SLC25A12: variants seen among roughly 807,000 people sequenced by gnomAD.
SLC25A12 encodes the protein solute carrier family 25 member 12.
A neutral mutation model predicts 83.3 loss-of-function variants in SLC25A12; 32 were observed. The ratio of observed to expected loss-of-function variants is 0.38; its 90% CI spans 0.29 to 0.52. The LOEUF (loss-of-function observed/expected upper bound fraction) is 0.52, where lower values mean the gene tolerates loss of function less well. Ranked by LOEUF, SLC25A12 falls within the 20% of genes least tolerant of loss-of-function variation. The probability of loss-of-function intolerance (pLI) is 0.84; values close to 1 mark genes in which losing one functional copy is unlikely to be tolerated. For synonymous variants in SLC25A12, 267 were observed against 291.1 expected (o/e 0.92, Z 0.84); for missense variants, 611 against 835.6 (o/e 0.73, Z 3.31).
chr2:171,831,761 T>C (rs1050368198), intron 8 of SLC25A12, among the ~76,000 whole-genome samples: 11 of 151,994 alleles, frequency 7.2e-5, no homozygotes, highest in African/African-American at 2.7e-4. Flanking sequence ...TAGGCAGGCA[T>C]AGTGGTACGC....
At chr2:171,832,092 A>G (rs1216617493) in intron 8 of SLC25A12, among the ~76,000 whole-genome samples, 2 of 152,184 alleles carry the variant, frequency 1.3e-5, no homozygotes, top group Non-Finnish European at 2.9e-5. Flanking sequence ...GTAAACCTGT[A>G]TGGTTTCAAG....
At chr2:171,875,111 G>A (rs575508720) in intron 2 of SLC25A12, among the ~76,000 whole-genome samples, 8 of 152,136 alleles carry the variant, frequency 5.3e-5, no homozygotes, top group South Asian at 4.1e-4. Context: ...GTACGGGAGT[G>A]TGACCTTTAT....
At position 171,809,650 on chromosome 2, in the gene SLC25A12, C is replaced by G; in HGVS notation, c.1261G>C (p.Asp421His). ...TCTGCTGGAAGTGGAACAGAGCCAT[C>G]TCTTCTGGTAAATTTGTCCCGAACA... ...DFVRDKFTRR[D>H]GSVPLPAEVL... The change falls in exon 13 of 18, where the codon GAT becomes CAT. Residue 421 changes from aspartate (D) to histidine (H), a missense_variant. Around this residue, in one of 3 missense-constraint regions of SLC25A12, gnomAD observed 540 missense variants for 777.5 expected, o/e 0.69. Transcript: ENST00000422440. 6.2e-7 allele frequency: 1 copy of G among 1,614,096 alleles called. No individual in the cohort carries two copies. The highest frequency in any genetic ancestry group is 8.5e-7 in the Non-Finnish European group (1 of 1,179,968).
intron 13 of SLC25A12, among the ~76,000 whole-genome samples, chr2:171,795,154 A>G (rs1403904019): frequency 6.6e-6 from 1 of 152,152 alleles, no homozygotes; most frequent in Non-Finnish European, 1.5e-5. Flanking sequence ...TGGATTCCCC[A>G]GGGCCTTAAT....
At chr2:171,892,895 C>T (rs535592097) in intron 2 of SLC25A12, among the ~76,000 whole-genome samples, 5 of 152,068 alleles carry the variant, frequency 3.3e-5, no homozygotes, top group African/African-American at 9.6e-5. Flanking sequence ...ATTAACTATA[C>T]AAGAATGCCA....
chr2:171,789,475 G>A (rs563961368), intron 15 of SLC25A12, among the ~76,000 whole-genome samples: 28 of 152,176 alleles, frequency 1.8e-4, no homozygotes, highest in East Asian at 1.4e-3. Context: ...TGATCTGCCC[G>A]CCTTGGCCTC....
intron 14 of SLC25A12, 113 bp from the exon 15 acceptor site, chr2:171,791,702 G>A (rs1272221961): frequency 1.0e-6 from 1 of 971,296 alleles, no homozygotes; most frequent in Non-Finnish European, 1.7e-6. Context: ...TCAGTGACAA[G>A]CCTGAGGTGT....
chr2:171,799,537 CAT>C (rs948705551), intron 13 of SLC25A12, among the ~76,000 whole-genome samples: 10 of 152,280 alleles, frequency 6.6e-5, no homozygotes, highest in South Asian at 4.2e-4. Flanking sequence ...CTCCGCCTAA[CAT>C]GTGGGCTTTT....
intron 2 of SLC25A12, among the ~76,000 whole-genome samples, chr2:171,887,885 T>A (rs1366591826): frequency 6.6e-6 from 1 of 152,166 alleles, no homozygotes; most frequent in Non-Finnish European, 1.5e-5. Flanking sequence ...ACTGTTGTTG[T>A]TGATGTTTTT....
At chr2:171,856,042 T>C in intron 3 of SLC25A12, 93 bp from the exon 4 acceptor site, 1 of 779,808 alleles carries the variant, frequency 1.3e-6, no homozygotes, top group South Asian at 1.4e-5. Flanking sequence ...TAGCTCAGGG[T>C]AACCAAATAA....
At chr2:171,870,378 T>C (rs1685432989) in intron 2 of SLC25A12, among the ~76,000 whole-genome samples, 1 of 152,136 alleles carries the variant, frequency 6.6e-6, no homozygotes, top group African/African-American at 2.4e-5. Flanking sequence ...ATTCCAGCAC[T>C]TGGGGAGGCC....
intron 4 of SLC25A12, among the ~76,000 whole-genome samples, chr2:171,850,157 C>T (rs2105900501): frequency 6.6e-6 from 1 of 150,834 alleles, no homozygotes; most frequent in African/African-American, 2.4e-5. Context: ...ACTGTGTCAC[C>T]CAGGCTGGAA....
At chr2:171,811,580 A>G (rs1200797581) in intron 11 of SLC25A12, among the ~76,000 whole-genome samples, 1 of 152,176 alleles carries the variant, frequency 6.6e-6, no homozygotes, top group Non-Finnish European at 1.5e-5. Context: ...AGAATAATGG[A>G]CCAGTTGCAA....
At chr2:171,795,279 G>C (rs536537234) in intron 13 of SLC25A12, among the ~76,000 whole-genome samples, 42 of 152,238 alleles carry the variant, frequency 2.8e-4, no homozygotes, top group Non-Finnish European at 5.3e-4. Context: ...GTCCCCCAAC[G>C]ATGTACTGAC....
At chr2:171,841,621 C>A (rs1355107938) in intron 5 of SLC25A12, among the ~76,000 whole-genome samples, 1 of 152,206 alleles carries the variant, frequency 6.6e-6, no homozygotes, top group Admixed American at 6.5e-5. Flanking sequence ...GATCTCCCCA[C>A]CTTGGCCTCC....
intron 17 of SLC25A12, among the ~76,000 whole-genome samples, chr2:171,787,005 G>C (rs751255060): frequency 1.8e-4 from 27 of 152,298 alleles, no homozygotes; most frequent in East Asian, 5.8e-4. Context: ...TTCAGTATTT[G>C]CTTATGTGAA....
chr2:171,812,156 C>T (rs1267963577), intron 11 of SLC25A12, among the ~76,000 whole-genome samples: 1 of 152,128 alleles, frequency 6.6e-6, no homozygotes, highest in Non-Finnish European at 1.5e-5. Context: ...GGTACTTGAG[C>T]CTAGTTTGAT....
At chr2:171,845,900 C>T (rs1360598121) in intron 4 of SLC25A12, 4 of 418,964 alleles carry the variant, frequency 9.5e-6, no homozygotes, top group East Asian at 7.8e-5. Flanking sequence ...ATAGGTCAAG[C>T]GTTTTCACCT....
chr2:171,882,375 T>A (rs1374249494), intron 2 of SLC25A12, among the ~76,000 whole-genome samples: 3 of 152,226 alleles, frequency 2.0e-5, no homozygotes, highest in Non-Finnish European at 4.4e-5. Context: ...ACATGGGTTT[T>A]CTTGGGGTAT....
Sources: allele counts gnomAD v4.1 joint callset (sites outside exome capture counted in the v4.1 genomes callset), GRCh38; gene constraint gnomAD v4.1.1; regional missense constraint gnomAD v4.1.1; transcripts MANE v1.5; gene names NCBI Gene and HGNC (gene_info 2026-07-23, HGNC 2026-07-21).